MTFR1: variants seen among roughly 807,000 people sequenced by gnomAD.
The protein encoded by MTFR1 is chondrocyte protein with a poly-proline region.
In MTFR1, 28 loss-of-function variants were observed where a neutral mutation model predicts 38.8. The observed-to-expected ratio is 0.72, with a 90% confidence interval of 0.53 to 0.99. The LOEUF is 0.99. Ranked by LOEUF, MTFR1 falls within the 50% of genes least tolerant of loss-of-function variation. The pLI is 0.00. For synonymous variants in MTFR1, 145 were observed against 137.0 expected, an observed-to-expected ratio of 1.06 and a Z score of -0.41; for missense variants, 358 against 395.5, an observed-to-expected ratio of 0.91 and a Z score of 0.81.
At chr8:65,672,646 G>A (rs1238291291) in intron 2 of MTFR1, among the ~76,000 whole-genome samples, 1 of 152,166 alleles carries the variant, frequency 6.6e-6, no homozygotes, top group Non-Finnish European at 1.5e-5. Context: ...AAGTAGCTGA[G>A]ATTACAGGTG....
intron 2 of MTFR1, among the ~76,000 whole-genome samples, chr8:65,678,555 T>G (rs1585769222): frequency 6.6e-6 from 1 of 152,192 alleles, no homozygotes; most frequent in Non-Finnish European, 1.5e-5. Context: ...GTTCTTTTCC[T>G]TCCTTTAACT....
At chr8:65,719,382 C>G (rs762965946) in exon 3 of MTFR1, 7 of 1,613,982 alleles carry the variant, frequency 4.3e-6, no homozygotes, top group Non-Finnish European at 5.1e-6. Context: ...CTCTGCAGTC[C>G]CTTCCAGCTG....
chr8:65,662,430 C>T (rs1334601687), intron 1 of MTFR1, among the ~76,000 whole-genome samples: 1 of 150,954 alleles, frequency 6.6e-6, no homozygotes, highest in East Asian at 1.9e-4. Context: ...AGTGCAGTGG[C>T]GTGATCTGGG....
chr8:65,655,289 T>C (rs1160036731), intron 1 of MTFR1, among the ~76,000 whole-genome samples: 1 of 152,240 alleles, frequency 6.6e-6, no homozygotes, highest in Non-Finnish European at 1.5e-5. Context: ...ATTTTATATC[T>C]AAATTGCATT....
intron 3 of MTFR1, among the ~76,000 whole-genome samples, chr8:65,741,070 G>A (rs193154620): frequency 8.5e-4 from 130 of 152,148 alleles, no homozygotes; most frequent in Admixed American, 3.1e-3. Flanking sequence ...ATGATGTTTC[G>A]TTTTCCCTTC....
chr8:65,751,194 T>A (rs1807937445), intron 3 of MTFR1, among the ~76,000 whole-genome samples: 1 of 152,182 alleles, frequency 6.6e-6, no homozygotes, highest in Non-Finnish European at 1.5e-5. Flanking sequence ...AGAATGAAAA[T>A]CCCACGAGAC....
chr8:65,655,854 C>T (rs1201827242), intron 1 of MTFR1, among the ~76,000 whole-genome samples: 4 of 149,712 alleles, frequency 2.7e-5, no homozygotes, highest in Admixed American at 1.3e-4. Context: ...GAAGCTGAGG[C>T]ATGAGAATCA....
chr8:65,768,865 A>ATTTTG (rs1808931985), intron 3 of MTFR1, among the ~76,000 whole-genome samples: 3 of 152,214 alleles, frequency 2.0e-5, no homozygotes, highest in African/African-American at 2.4e-5. Context: ...AAAATAATAC[A>ATTTTG]AAAAGGTCAA....
chr8:65,664,510 C>A (rs749862052), intron 1 of MTFR1, among the ~76,000 whole-genome samples: 9 of 149,828 alleles, frequency 6.0e-5, no homozygotes, highest in Non-Finnish European at 1.0e-4. Flanking sequence ...GTGGTGGTTA[C>A]AAAGGTATAT....
intron 3 of MTFR1, among the ~76,000 whole-genome samples, chr8:65,691,312 G>C (rs1805268713): frequency 6.6e-6 from 1 of 152,030 alleles, no homozygotes; most frequent in South Asian, 2.1e-4. Flanking sequence ...TTTTGAGACA[G>C]AGTCTCACTC....
downstream of MTFR1, among the ~76,000 whole-genome samples, chr8:65,710,990 T>TATATAG (rs920287067): frequency 1.3e-4 from 20 of 150,856 alleles, no homozygotes; most frequent in East Asian, 1.6e-3. Context: ...TATATATATA[T>TATATAG]AGAGAGAGAG....
rs1805816501 is a variant in MTFR1 at position 65,707,403 on chromosome 8, A to G, written c.764+147A>G. 6 of 764,248 alleles carry G rather than the reference A, an allele frequency of 7.9e-6. No individual in the cohort carries two copies. In the South Asian group the frequency reaches 1.2e-4, roughly 16 times the overall value. The allele number at this position is 764,248 out of a possible 1,614,324, so 47.3% of individuals were successfully genotyped here. On this transcript the variant is annotated intron_variant, in intron 6 of 7. Transcript: ENST00000262146. ...AGATGAGCCCCAGTGGCTTCTATACACAGTAGCTAAGAGATTAGCAAAATA... is the reference window on the plus strand; with the variant it reads ...AGATGAGCCCCAGTGGCTTCTATACGCAGTAGCTAAGAGATTAGCAAAATA...
chr8:65,751,771 C>T (rs139395733), intron 3 of MTFR1, among the ~76,000 whole-genome samples: 2,122 of 152,214 alleles, frequency 0.014, 52 homozygotes, highest in African/African-American at 0.048. Flanking sequence ...GGATTACAGG[C>T]GTGAGCCACT....
downstream of MTFR1, among the ~76,000 whole-genome samples, chr8:65,713,122 T>C (rs1235451013): frequency 2.6e-5 from 4 of 152,292 alleles, no homozygotes; most frequent in Middle Eastern, 3.4e-3. Flanking sequence ...AATTTTAAAT[T>C]ATAGCCAACA....
At chr8:65,740,450 G>C in intron 3 of MTFR1, among the ~76,000 whole-genome samples, 1 of 151,980 alleles carries the variant, frequency 6.6e-6, no homozygotes. Context: ...ACCTGGGCTG[G>C]AGTACAATGG....
chr8:65,703,362 C>T (rs1383082093), intron 4 of MTFR1, among the ~76,000 whole-genome samples: 1 of 147,704 alleles, frequency 6.8e-6, no homozygotes, highest in Non-Finnish European at 1.5e-5. Flanking sequence ...AAAAGAGAAA[C>T]ATCACCCTTT....
downstream of MTFR1, among the ~76,000 whole-genome samples, chr8:65,713,485 A>ACACACACACACACACACAC (rs1169373621): frequency 2.5e-5 from 3 of 119,470 alleles, no homozygotes; most frequent in African/African-American, 9.5e-5. Context: ...CACACACACA[A>ACACACACACACACACACAC]ACAAAACAAA....
intron 3 of MTFR1, among the ~76,000 whole-genome samples, chr8:65,756,891 ATTGT>A (rs1306437538): frequency 1.3e-5 from 2 of 151,854 alleles, no homozygotes; most frequent in African/African-American, 2.4e-5. Flanking sequence ...CTCCTCCAGG[ATTGT>A]TTATTTTTAA....
chr8:65,769,210 T>C (rs1442709677), intron 3 of MTFR1, among the ~76,000 whole-genome samples: 1 of 136,708 alleles, frequency 7.3e-6, no homozygotes, highest in African/African-American at 2.8e-5. Context: ...ATCACGCCAC[T>C]GCACTCCAGC....
Sources: gnomAD v4.1 joint callset for allele counts (sites outside exome capture counted in the v4.1 genomes callset) on GRCh38, gnomAD v4.1.1 for gene constraint, MANE v1.5 for transcripts, NCBI Gene and HGNC (gene_info 2026-07-23, HGNC 2026-07-21) for gene names.